The following MEX3D variants were observed in gnomAD, a reference collection of about 807,000 sequenced individuals.
MEX3D encodes the protein mex-3 RNA binding family member D.
A neutral mutation model predicts 6.3 loss-of-function variants in MEX3D; 4 were observed. That is an observed-to-expected ratio of 0.64 (90% CI 0.31 to 1.46). The LOEUF is 1.46. Ranked by LOEUF, MEX3D falls within the 40% of genes most tolerant of loss-of-function variation. MEX3D has a pLI of 0.07. For synonymous variants in MEX3D, 626 were observed against 494.1 expected, an observed-to-expected ratio of 1.27 and a Z score of -3.54; for missense variants, 1,038 against 994.4, an observed-to-expected ratio of 1.04 and a Z score of -0.59.
intron 1 of MEX3D, among the ~76,000 whole-genome samples, chr19:1,560,161 C>T (rs996472967): frequency 1.3e-5 from 2 of 152,184 alleles, no homozygotes; most frequent in Non-Finnish European, 2.9e-5. Context: ...ACAGGCCTGG[C>T]TTCACAGGCC....
rs938582446 is a variant in MEX3D, at chr19:1,560,978, C to T, written c.596-4055G>A. On this transcript the variant is annotated intron_variant, in intron 1 of 1. Coordinates refer to ENST00000402693, the MANE Select transcript of MEX3D (RefSeq NM_203304.4). ...CTGAAGGGCGGGCTCTGGGGGACAC[C>T]GAAGGTTGGCAGGCACTGAAATGCA... 2.3e-4 allele frequency among the ~76,000 whole-genome samples: 35 copies of T among 152,174 alleles called. 1 individual carries two copies. Among genetic ancestry groups the T allele is most frequent in the Admixed American group, 6.5e-5 (1 of 15,270 alleles).
Position 1,555,560 on chromosome 19 carries a change from G to T in MEX3D, c.*3C>A, listed in dbSNP as rs1297091776. 1.9e-6 allele frequency: 3 copies of T among 1,570,862 alleles called. No individual in the cohort carries two copies. Among genetic ancestry groups the T allele is most frequent in the South Asian group, 1.2e-5 (1 of 85,596 alleles). ...TGGCCCCGGCCACGTGGTGGTCCGC[G>T]CTCTAGGAAAAGATATGAATGGCCT... On this transcript the variant is annotated 3_prime_UTR_variant, in exon 2 of 2. Coordinates refer to ENST00000402693, the MANE Select transcript of MEX3D (RefSeq NM_203304.4).
At chr19:1,564,481 C>A (rs1374576472) in intron 1 of MEX3D, among the ~76,000 whole-genome samples, 2 of 148,392 alleles carry the variant, frequency 1.3e-5, no homozygotes, top group African/African-American at 5.0e-5. Context: ...TGCAGTGAAC[C>A]GGGATCGTGC....
At position 1,568,174 on chromosome 19, in the gene MEX3D, G is replaced by A; in HGVS notation, c.-116C>T. ...GCCGCCTGCATCCAGCGGCGGGGGCGGGCACGGGGGGCCGGGCGGGCGGGG... is the reference window on the plus strand; with the variant it reads ...GCCGCCTGCATCCAGCGGCGGGGGCAGGCACGGGGGGCCGGGCGGGCGGGG... On this transcript the variant is annotated 5_prime_UTR_variant, in exon 1 of 2. Coordinates refer to ENST00000402693, the MANE Select transcript of MEX3D (RefSeq NM_203304.4). 2.2e-6 allele frequency: 2 copies of A among 889,120 alleles called. No individual in the cohort carries two copies. Among genetic ancestry groups the A allele is most frequent in the South Asian group, 5.1e-5 (1 of 19,592 alleles). The allele number at this position is 889,120 out of a possible 1,614,324, so 55.1% of individuals were successfully genotyped here.
rs978436144 is a variant in MEX3D at position 1,567,776 on chromosome 19, C to T, written c.283G>A (p.Gly95Ser). The T allele has an allele frequency of 3.0e-4, 286 of 953,312 alleles. 8 individuals are homozygous for T. The East Asian group carries it at 0.015, about 50-fold the overall frequency. The allele number at this position is 953,312 out of a possible 1,614,324, so 59.1% of individuals were successfully genotyped here. The change falls in exon 1 of 2, where the codon GGC becomes AGC. Residue 95 changes from glycine to serine, a missense_variant. Gly to Ser is a moderately conservative substitution (Grantham distance 56). This residue lies in a region of MEX3D where 265 missense variants were observed against 206.3 expected (regional missense o/e 1.28). Coordinates refer to ENST00000402693, the MANE Select transcript of MEX3D (RefSeq NM_203304.4). This position sits in a 1 kb window ranked among gnomAD's most constrained non-coding sequence, Gnocchi z 6.5. ...DGAAAAGGAD[G>S]GAAPEPVPPD... is the part of the protein sequence containing the mutation. ...GGCACAGGCTCCGGAGCCGCCCCGC[C>T]GTCCGCGCCCCCCGCCGCCGCTGCG...
At chr19:1,566,242 C>G (rs1599329288) in intron 1 of MEX3D, among the ~76,000 whole-genome samples, 1 of 152,190 alleles carries the variant, frequency 6.6e-6, no homozygotes, top group East Asian at 1.9e-4. Flanking sequence ...AGCATGCTTC[C>G]TGGGGCCAGC....
rs1326119853 is a variant in MEX3D, at chr19:1,556,426, G to T, written c.1093C>A (p.Leu365Met). ...HANGTDVCLD[L>M]LGAAASLWAK... ...CAGAGGCTGGCGGCCGCCCCGAGCAGGTCCAGGCAGACGTCGGTGCCGTTG... is the reference window on the plus strand; with the variant it reads ...CAGAGGCTGGCGGCCGCCCCGAGCATGTCCAGGCAGACGTCGGTGCCGTTG... Residue 365 changes from leucine to methionine, a missense_variant, in exon 2 of 2, where the codon CTG becomes ATG. This residue lies in a region of MEX3D where 581 missense variants were observed against 516.2 expected (regional missense o/e 1.13). Transcript: ENST00000402693. This position sits in a 1 kb window ranked among gnomAD's most constrained non-coding sequence, Gnocchi z 7.5. 6.3e-7 allele frequency: 1 copy of T among 1,593,928 alleles called. No homozygotes were observed.
In MEX3D at chr19:1,567,325, G is replaced by C; in HGVS notation, c.595+139C>G. On this transcript the variant is annotated intron_variant, in intron 1 of 1. Coordinates refer to ENST00000402693, the MANE Select transcript of MEX3D (RefSeq NM_203304.4). The surrounding 1 kb of genome is among the most constrained non-coding windows in gnomAD (Gnocchi z 6.5). ...TGCAGGACAAAGGCGCAAAGGCAGCGGCCGAGGCCGGAGCCCACGCGGGGC... is the reference window on the plus strand; with the variant it reads ...TGCAGGACAAAGGCGCAAAGGCAGCCGCCGAGGCCGGAGCCCACGCGGGGC... 6.0e-6 allele frequency: 6 copies of C among 1,001,768 alleles called. No homozygotes were observed. The highest frequency in any genetic ancestry group is 2.7e-5 in the South Asian group (1 of 37,268). The allele number at this position is 1,001,768 out of a possible 1,614,324, so 62.1% of individuals were successfully genotyped here. A position where few individuals can be genotyped will look rare whatever the true frequency, so the allele number is the denominator to read the frequency against.
intron 1 of MEX3D, among the ~76,000 whole-genome samples, chr19:1,562,591 G>C (rs747190984): frequency 2.6e-5 from 4 of 152,164 alleles, no homozygotes; most frequent in Non-Finnish European, 4.4e-5. Context: ...CCAGCTACTT[G>C]GGAGGCAGAG....
rs1263528692 is a variant in MEX3D at position 1,556,410 on chromosome 19, G to C, written c.1109C>G (p.Ala370Gly). Reference sequence around the variant, plus strand: ...GTTGGGGGTCTTGGCCCAGAGGCTGGCGGCCGCCCCGAGCAGGTCCAGGCA... The same window carrying C: ...GTTGGGGGTCTTGGCCCAGAGGCTGCCGGCCGCCCCGAGCAGGTCCAGGCA... ...DVCLDLLGAA[A>G]SLWAKTPNQG... The change falls in exon 2 of 2, where the codon GCC becomes GGC. Residue 370 changes from alanine to glycine, a missense_variant. Around this residue, in one of 5 missense-constraint regions of MEX3D, gnomAD observed 581 missense variants for 516.2 expected, o/e 1.13. Transcript: ENST00000402693. This position sits in a 1 kb window ranked among gnomAD's most constrained non-coding sequence, Gnocchi z 7.5. 1 of 1,574,384 alleles carries C rather than the reference G, an allele frequency of 6.4e-7. No homozygotes were observed.
chr19:1,558,646 C>T (rs946123826), intron 1 of MEX3D, among the ~76,000 whole-genome samples: 2 of 152,174 alleles, frequency 1.3e-5, no homozygotes, highest in East Asian at 1.9e-4. Context: ...GAGGGGAAGC[C>T]GAAATTCAGA....
rs1029100509 is a variant in MEX3D, at chr19:1,567,723, G to A, written c.336C>T (p.Pro112=). ...GGGCCACGGCGGGGGCCAGGGTCGG[G>A]GGCGCGCCGGCCTCAGGTCCGTCGG... is the stretch of plus-strand genomic sequence containing the variant. ...VPPDGPEAGA[P]PTLAPAVAPG... The change falls in exon 1 of 2, where the codon CCC becomes CCT. Residue 112 remains proline, a synonymous_variant. Transcript: ENST00000402693. The surrounding 1 kb of genome is among the most constrained non-coding windows in gnomAD (Gnocchi z 6.5). 2.5e-5 allele frequency: 25 copies of A among 1,006,212 alleles called. No homozygotes were observed. Among genetic ancestry groups the A allele is most frequent in the Non-Finnish European group, 2.0e-5 (17 of 836,754 alleles). 62.3% of individuals were successfully genotyped at this position (1,006,212 alleles called of 1,614,324 possible).
chr19:1,556,140 A>T lies in MEX3D; in HGVS notation c.1379T>A (p.Leu460Gln), dbSNP rs1266528270. ...DCDFGFDFDF[L>Q]ALDLTVPAAA... is the part of the protein sequence containing the mutation. ...GGCGGGCACGGTCAGGTCCAGCGCC[A>T]GGAAGTCGAAGTCGAAGCCGAAGTC... The change falls in exon 2 of 2, where the codon CTG becomes CAG. Residue 460 changes from leucine (L) to glutamine (Q), a missense_variant. Leu to Gln is a moderately radical substitution (Grantham distance 113). Around this residue, in one of 5 missense-constraint regions of MEX3D, gnomAD observed 581 missense variants for 516.2 expected, o/e 1.13. Transcript: ENST00000402693. This position sits in a 1 kb window ranked among gnomAD's most constrained non-coding sequence, Gnocchi z 7.5. The T allele has an allele frequency of 2.6e-5, 38 of 1,471,974 alleles. No homozygotes were observed. Among genetic ancestry groups the T allele is most frequent in the Non-Finnish European group, 3.3e-5 (37 of 1,111,088 alleles). 91.2% of individuals were successfully genotyped at this position (1,471,974 alleles called of 1,614,324 possible).
At chr19:1,566,043 G>A (rs1034663467) in intron 1 of MEX3D, among the ~76,000 whole-genome samples, 1 of 152,234 alleles carries the variant, frequency 6.6e-6, no homozygotes, top group Non-Finnish European at 1.5e-5. Context: ...GTCTCCACAG[G>A]CTCCCAGACA....
At position 1,564,462 on chromosome 19, in the gene MEX3D, G is replaced by A. The variant is rs143729940; in HGVS notation, c.595+3002C>T. 7.6e-3 allele frequency among the ~76,000 whole-genome samples: 1,147 copies of A among 151,870 alleles called. 3 individuals carry two copies. Among genetic ancestry groups the A allele is most frequent in the Non-Finnish European group, 0.012 (836 of 67,946 alleles). ...GCAGGAGGATCGCTTGAACCTGGGA[G>A]GTGGAGCTTGCAGTGAACCGGGATC... On this transcript the variant is annotated intron_variant, in intron 1 of 1. Coordinates refer to ENST00000402693, the MANE Select transcript of MEX3D (RefSeq NM_203304.4).
rs545133004 is a variant in MEX3D, at chr19:1,555,206, G to A, written c.*357C>T. On this transcript the variant is annotated 3_prime_UTR_variant, in exon 2 of 2. Transcript: ENST00000402693. Reference sequence around the variant, plus strand: ...CGAAAGGAAAAAACGCTGAGCGCTGGAAAAGTCGTGTTTTTTGTTTTGCTT... The same window carrying A: ...CGAAAGGAAAAAACGCTGAGCGCTGAAAAAGTCGTGTTTTTTGTTTTGCTT... 3 of 997,830 alleles carry A rather than the reference G, an allele frequency of 3.0e-6. No homozygotes were observed. The African/African-American group carries it at 5.2e-5, about 17-fold the overall frequency. 61.8% of individuals were successfully genotyped at this position (997,830 alleles called of 1,614,324 possible). A position where few individuals can be genotyped will look rare whatever the true frequency, so the allele number is the denominator to read the frequency against.
At position 1,555,342 on chromosome 19, in the gene MEX3D, G is replaced by A. The variant is rs748753384; in HGVS notation, c.*221C>T. Reference sequence around the variant, plus strand: ...TGTAACCTGACCACTCAATACTGTCGTTGAAGGGCTGAGGCGCCGCCGGGC... The same window carrying A: ...TGTAACCTGACCACTCAATACTGTCATTGAAGGGCTGAGGCGCCGCCGGGC... On this transcript the variant is annotated 3_prime_UTR_variant, in exon 2 of 2. Transcript: ENST00000402693. 1.9e-6 allele frequency: 3 copies of A among 1,600,896 alleles called. No individual in the cohort carries two copies. Among genetic ancestry groups the A allele is most frequent in the Non-Finnish European group, 1.7e-6 (2 of 1,173,000 alleles).
rs1914501846 is a variant in MEX3D, at chr19:1,555,486, C to T, written c.*77G>A. On this transcript the variant is annotated 3_prime_UTR_variant, in exon 2 of 2. Coordinates refer to ENST00000402693, the MANE Select transcript of MEX3D (RefSeq NM_203304.4). ...CCTCGCCCCCTCCCCGTCCCTCTCC[C>T]ACCCCGGGTCCCGCCCCGTCTCCCG... is the stretch of plus-strand genomic sequence containing the variant. The T allele has an allele frequency of 6.6e-7, 1 of 1,504,012 alleles. No homozygotes were observed. Among genetic ancestry groups the T allele is most frequent in the Admixed American group, 2.0e-5 (1 of 48,850 alleles). 93.2% of individuals were successfully genotyped at this position (1,504,012 alleles called of 1,614,324 possible). A position where few individuals can be genotyped will look rare whatever the true frequency, so the allele number is the denominator to read the frequency against.
Position 1,556,260 on chromosome 19 carries a change from G to T in MEX3D, c.1259C>A (p.Pro420His). Reference sequence around the variant, plus strand: ...GCCGGAGCCGCTGTAGGGGCTGGCGGGGCCTGGGTCCGGCACGGAGGGGCC... The same window carrying T: ...GCCGGAGCCGCTGTAGGGGCTGGCGTGGCCTGGGTCCGGCACGGAGGGGCC... The part of the protein sequence containing the change: ...RGGPSVPDPG[P>H]ASPYSGSGNG... Residue 420 changes from proline to histidine, a missense_variant, in exon 2 of 2, where the codon CCC (proline) becomes CAC (histidine). Coordinates refer to ENST00000402693, the MANE Select transcript of MEX3D (RefSeq NM_203304.4). The surrounding 1 kb of genome is among the most constrained non-coding windows in gnomAD (Gnocchi z 7.5). 7.4e-7 allele frequency: 1 copy of T among 1,342,676 alleles called. No individual in the cohort carries two copies. 83.2% of individuals were successfully genotyped at this position (1,342,676 alleles called of 1,614,324 possible). A position where few individuals can be genotyped will look rare whatever the true frequency, so the allele number is the denominator to read the frequency against.
Sources: gnomAD v4.1 joint callset for allele counts (sites outside exome capture counted in the v4.1 genomes callset) on GRCh38, gnomAD v4.1.1 for gene constraint, gnomAD v4.1.1 regional missense constraint, Gnocchi (gnomAD v3.1) non-coding constraint, MANE v1.5 for transcripts, NCBI Gene and HGNC (gene_info 2026-07-23, HGNC 2026-07-21) for gene names.